PDE1C: variants seen among roughly 807,000 people sequenced by gnomAD.
The protein encoded by PDE1C is dual specificity calcium/calmodulin-dependent 3',5'-cyclic nucleotide phosphodiesterase 1C.
A neutral mutation model predicts 93.1 loss-of-function variants in PDE1C; 62 were observed. That is an observed-to-expected ratio of 0.67 (90% CI 0.54 to 0.82). PDE1C has a LOEUF of 0.82. Ranked by LOEUF, PDE1C falls within the 40% of genes least tolerant of loss-of-function variation. PDE1C has a pLI of 0.00. For missense variants in PDE1C, 742 were observed against 884.6 expected, an observed-to-expected ratio of 0.84 and a Z score of 2.04; for synonymous variants, 325 against 310.1, an observed-to-expected ratio of 1.05 and a Z score of -0.50.
chr7:31,707,005 C>T, the PDE1C span, among the ~76,000 whole-genome samples: 4 of 152,152 alleles, frequency 2.6e-5, no homozygotes, highest in Admixed American at 6.5e-5. Context: ...TAACCAGAAT[C>T]GTGTCCTCAT....
intron 1 of PDE1C, among the ~76,000 whole-genome samples, chr7:32,262,632 G>C (rs1424775140): frequency 6.6e-6 from 1 of 152,164 alleles, no homozygotes; most frequent in Non-Finnish European, 1.5e-5. Flanking sequence ...GCAGGTCCAT[G>C]GTACCCAATG....
intron 1 of PDE1C, among the ~76,000 whole-genome samples, chr7:32,054,176 T>C (rs1221945192): frequency 1.3e-5 from 2 of 152,110 alleles, no homozygotes; most frequent in Admixed American, 1.3e-4. Flanking sequence ...ACACACCCTC[T>C]TCTGTGCTCC....
chr7:32,022,814 C>T (rs1233711536), intron 2 of PDE1C, among the ~76,000 whole-genome samples: 2 of 151,570 alleles, frequency 1.3e-5, no homozygotes, highest in South Asian at 2.1e-4. Context: ...AAAAAATTAA[C>T]GACAGAATTT....
Position 32,420,295 on chromosome 7 carries a change from ATG to A in PDE1C, c.310+7525_310+7526del, listed in dbSNP as rs1785391323. ...TGTATATATATACATGTGTATATATATGTGTATATATATACATGTGTATATAT... is the reference window on the plus strand; with the variant it reads ...TGTATATATATACATGTGTATATATATGTATATATATACATGTGTATATAT... On this transcript the variant is annotated intron_variant, in intron 1 of 1. Transcript: ENST00000672256. Among the ~76,000 whole-genome samples the A allele has an allele frequency of 6.9e-5, 2 of 28,826 alleles. 1 individual carries two copies. Among genetic ancestry groups the A allele is most frequent in the Non-Finnish European group, 1.3e-4 (2 of 15,076 alleles). The allele number at this position is 28,826 out of a possible 152,430, so 18.9% of individuals were successfully genotyped here. A position where few individuals can be genotyped will look rare whatever the true frequency, so the allele number is the denominator to read the frequency against.
At chr7:31,622,897 G>C in the PDE1C span, among the ~76,000 whole-genome samples, 1 of 152,030 alleles carries the variant, frequency 6.6e-6, no homozygotes, top group African/African-American at 2.4e-5. Flanking sequence ...GACTCAAATA[G>C]ACACAATAAA....
intron 3 of PDE1C, among the ~76,000 whole-genome samples, chr7:32,109,282 G>C (rs990286763): frequency 6.6e-6 from 1 of 152,100 alleles, no homozygotes; most frequent in Non-Finnish European, 1.5e-5. Flanking sequence ...TGAAGAAAGG[G>C]ATAACATAGG....
At chr7:32,116,516 G>A (rs1477975005) in intron 3 of PDE1C, among the ~76,000 whole-genome samples, 3 of 152,090 alleles carry the variant, frequency 2.0e-5, no homozygotes, top group Non-Finnish European at 4.4e-5. Context: ...TCCCCAAATG[G>A]CAGGGGGCCT....
At chr7:32,261,019 A>C (rs1316448816) in intron 1 of PDE1C, among the ~76,000 whole-genome samples, 1 of 152,166 alleles carries the variant, frequency 6.6e-6, no homozygotes, top group Non-Finnish European at 1.5e-5. Context: ...CTGAGGCAGG[A>C]GAATTGCTTG....
the PDE1C span, among the ~76,000 whole-genome samples, chr7:31,630,017 A>G: frequency 6.6e-6 from 1 of 152,174 alleles, no homozygotes; most frequent in Non-Finnish European, 1.5e-5. Context: ...TGCTAGATCT[A>G]AAATCCTAGA....
At chr7:32,124,891 G>C (rs1283946931) in intron 3 of PDE1C, among the ~76,000 whole-genome samples, 1 of 152,114 alleles carries the variant, frequency 6.6e-6, no homozygotes, top group Non-Finnish European at 1.5e-5. Flanking sequence ...TTAAACTAAA[G>C]AGCTCCTGTA....
chr7:31,792,051 A>G (rs542895239), intron 16 of PDE1C, among the ~76,000 whole-genome samples: 54 of 152,222 alleles, frequency 3.5e-4, no homozygotes, highest in African/African-American at 1.1e-3. Context: ...CATTGTCATT[A>G]AATACCACCA....
intron 1 of PDE1C, among the ~76,000 whole-genome samples, chr7:32,234,011 C>T (rs1807899011): frequency 6.6e-6 from 1 of 151,926 alleles, no homozygotes; most frequent in Non-Finnish European, 1.5e-5. Flanking sequence ...ATGAAAATCT[C>T]TAATCACTTA....
chr7:31,773,989 G>C (rs1795667970), intron 17 of PDE1C, among the ~76,000 whole-genome samples: 1 of 152,346 alleles, frequency 6.6e-6, no homozygotes, highest in Admixed American at 6.5e-5. Context: ...GGCAAGAAAA[G>C]TTCAAGGGTT....
At chr7:31,870,627 G>C (rs1049394992) in intron 6 of PDE1C, among the ~76,000 whole-genome samples, 4 of 151,940 alleles carry the variant, frequency 2.6e-5, no homozygotes, top group South Asian at 2.1e-4. Flanking sequence ...TCCTGAAAAA[G>C]AGAAGTCTAG....
Position 31,837,955 on chromosome 7 carries a change from C to T in PDE1C, c.997G>A (p.Val333Ile), listed in dbSNP as rs1791331715. Residue 333 changes from valine (V) to isoleucine (I), a missense_variant, in exon 10 of 18, where the codon GTA (valine) becomes ATA (isoleucine). Val to Ile is a conservative substitution (Grantham distance 29). Around this residue, in one of 4 missense-constraint regions of PDE1C, gnomAD observed 205 missense variants for 295.3 expected, o/e 0.69. Transcript: ENST00000396191. ...TCTGTGGCCATCACCATTTCAATTA[C>T]CAAGGTTCGAAACTCCCTTTTAGAG... Reference protein sequence around the residue: ...KDDWREFRTLVIEMVMATDMS... With the variant: ...KDDWREFRTLIIEMVMATDMS... The T allele has an allele frequency of 1.2e-6, 2 of 1,612,470 alleles. No homozygotes were observed. Among genetic ancestry groups the T allele is most frequent in the South Asian group, 1.1e-5 (1 of 91,026 alleles).
chr7:31,989,956 C>G (rs150733642), intron 2 of PDE1C, among the ~76,000 whole-genome samples: 346 of 152,332 alleles, frequency 2.3e-3, no homozygotes, highest in Admixed American at 3.5e-3. Flanking sequence ...AGGCACTGTG[C>G]CGGGCACAGG....
chr7:32,375,920 C>T (rs986798664), intron 1 of PDE1C, among the ~76,000 whole-genome samples: 2 of 152,156 alleles, frequency 1.3e-5, no homozygotes, highest in African/African-American at 4.8e-5. Flanking sequence ...GTTTGGGAGG[C>T]CGAGGCAGGC....
At chr7:32,257,825 G>A (rs1331391084) in intron 1 of PDE1C, among the ~76,000 whole-genome samples, 1 of 152,172 alleles carries the variant, frequency 6.6e-6, no homozygotes. Flanking sequence ...TCTCTGACTT[G>A]CATGGCCACA....
intron 3 of PDE1C, among the ~76,000 whole-genome samples, chr7:32,079,210 T>C (rs1286302523): frequency 2.6e-5 from 4 of 152,188 alleles, no homozygotes; most frequent in Non-Finnish European, 5.9e-5. Flanking sequence ...GTGCCTACTA[T>C]GTGCTGCACA....
Sources: gnomAD v4.1 joint callset for allele counts (sites outside exome capture counted in the v4.1 genomes callset) on GRCh38, gnomAD v4.1.1 for gene constraint, gnomAD v4.1.1 regional missense constraint, MANE v1.5 for transcripts, NCBI Gene and HGNC (gene_info 2026-07-23, HGNC 2026-07-21) for gene names.